Variants in SHANK2 observed in about 807,000 individuals in gnomAD.
SHANK2 encodes the protein SH3 and multiple ankyrin repeat domains protein 2.
In SHANK2, 43 loss-of-function variants were observed where a neutral mutation model predicts 133.7. That is an observed-to-expected ratio of 0.32 (90% CI 0.25 to 0.41). SHANK2 has a LOEUF of 0.41. SHANK2 is among the 10% of genes least tolerant of loss of function. The pLI, the probability that SHANK2 is intolerant of heterozygous loss-of-function variation, is 1.00. For synonymous variants in SHANK2, 1,017 were observed against 952.8 expected (o/e 1.07, Z -1.24); for missense variants, 1,994 against 2,235.8 (o/e 0.89, Z 2.18).
At chr11:70,491,777 C>A (rs549239039) in intron 22 of SHANK2, among the ~76,000 whole-genome samples, 1 of 152,332 alleles carries the variant, frequency 6.6e-6, no homozygotes, top group South Asian at 2.1e-4. Flanking sequence ...AGGCCCTTTT[C>A]CAGCTGTGTG....
Position 70,485,992 on chromosome 11 carries a change from A to C in SHANK2, c.4301T>G (p.Leu1434Arg), listed in dbSNP as rs1245095295. 4.3e-6 allele frequency: 7 copies of C among 1,614,112 alleles called. No homozygotes were observed. In the East Asian group the frequency reaches 1.6e-4, roughly 36 times the overall value. ...TTTCTTCTGCTTCACTAAGTCTGAG[A>C]GAGCCGGGACAGAAGCTGCCCGGTC... ...PDDRAASVPA[L>R]SDLVKQKKSD... Residue 1434 changes from leucine (L) to arginine (R), a missense_variant, in exon 25 of 26, where the codon CTC (leucine) becomes CGC (arginine). Leu to Arg is a moderately radical substitution (Grantham distance 102, BLOSUM62 -2). Around this residue, in one of 5 missense-constraint regions of SHANK2, gnomAD observed 797 missense variants for 907.4 expected, o/e 0.88. Coordinates refer to ENST00000601538, the MANE Select transcript of SHANK2 (RefSeq NM_012309.5). The surrounding 1 kb of genome is among the most constrained non-coding windows in gnomAD (Gnocchi z 5.8).
At chr11:70,698,292 C>A (rs1271477279) in intron 15 of SHANK2, 1 of 247,040 alleles carries the variant, frequency 4.0e-6, no homozygotes, top group Admixed American at 5.0e-5. Flanking sequence ...GGATGAGAAC[C>A]CGAGGACCAC....
At chr11:71,119,108 G>T in intron 3 of SHANK2, 76 bp from the exon 4 acceptor site, 2 of 1,314,688 alleles carry the variant, frequency 1.5e-6, no homozygotes, top group Non-Finnish European at 1.1e-6. Context: ...CGCGTGGTCA[G>T]AGAGGCAAAG....
intron 21 of SHANK2, among the ~76,000 whole-genome samples, chr11:70,495,141 C>A (rs1431039675): frequency 3.3e-5 from 5 of 152,194 alleles, no homozygotes; most frequent in African/African-American, 1.2e-4. Context: ...GGCCCTCATC[C>A]CAGCTCCTCC....
chr11:70,597,056 T>C (rs2060411590), intron 17 of SHANK2, among the ~76,000 whole-genome samples: 2 of 152,186 alleles, frequency 1.3e-5, no homozygotes, highest in African/African-American at 4.8e-5. Flanking sequence ...TCAGACCCTA[T>C]GAACAAAGCT....
At chr11:71,180,412 G>A (rs1555113607) in intron 2 of SHANK2, among the ~76,000 whole-genome samples, 1 of 152,134 alleles carries the variant, frequency 6.6e-6, no homozygotes. Flanking sequence ...TTAATTTATG[G>A]TCTGGGCAGT....
chr11:70,639,698 T>C (rs1401675675), intron 17 of SHANK2, among the ~76,000 whole-genome samples: 2 of 151,908 alleles, frequency 1.3e-5, no homozygotes, highest in African/African-American at 4.8e-5. Context: ...GTAGGTGGGG[T>C]GGGTGCAGGA....
At chr11:71,144,947 G>A (rs782158665) in intron 3 of SHANK2, among the ~76,000 whole-genome samples, 13 of 152,340 alleles carry the variant, frequency 8.5e-5, no homozygotes, top group Non-Finnish European at 4.4e-5. Flanking sequence ...GGGACGTGTC[G>A]GAACAGGGCT....
At chr11:70,878,402 G>A (rs1035106583) in intron 11 of SHANK2, among the ~76,000 whole-genome samples, 2 of 152,132 alleles carry the variant, frequency 1.3e-5, no homozygotes, top group African/African-American at 4.8e-5. Context: ...AAACATACAG[G>A]GCATCATCAC....
intron 14 of SHANK2, among the ~76,000 whole-genome samples, chr11:70,735,439 C>T (rs1946383797): frequency 6.6e-6 from 1 of 152,128 alleles, no homozygotes; most frequent in African/African-American, 2.4e-5. Flanking sequence ...GGTGTGGTGG[C>T]TCATGCCTGT....
At chr11:71,201,528 A>G (rs1555117141) in intron 2 of SHANK2, among the ~76,000 whole-genome samples, 1 of 152,222 alleles carries the variant, frequency 6.6e-6, no homozygotes, top group African/African-American at 2.4e-5. Flanking sequence ...GATGGCGGTC[A>G]CCTGCACAGC....
chr11:70,735,488 G>A (rs1041904551), intron 14 of SHANK2, among the ~76,000 whole-genome samples: 2 of 152,096 alleles, frequency 1.3e-5, no homozygotes, highest in African/African-American at 2.4e-5. Flanking sequence ...GGCAGATCAC[G>A]AGGTCAGGAG....
intron 4 of SHANK2, among the ~76,000 whole-genome samples, chr11:71,116,117 C>T (rs530935661): frequency 5.9e-5 from 9 of 152,300 alleles, no homozygotes; most frequent in South Asian, 2.1e-4. Flanking sequence ...AGTGTCACAA[C>T]GGAACTGAGA....
chr11:70,863,399 C>G, intron 11 of SHANK2: 1 of 457,902 alleles, frequency 2.2e-6, no homozygotes, highest in Non-Finnish European at 4.4e-6. Context: ...CCTGTCTGGA[C>G]GAGCCCCAAG....
intron 3 of SHANK2, among the ~76,000 whole-genome samples, chr11:71,135,271 C>T (rs58661988): frequency 4.6e-5 from 7 of 152,102 alleles, no homozygotes; most frequent in South Asian, 2.1e-4. Context: ...TCGGTTGTAC[C>T]GGCTGATGGG....
At chr11:70,736,865 G>A (rs909446144) in intron 14 of SHANK2, among the ~76,000 whole-genome samples, 2 of 152,220 alleles carry the variant, frequency 1.3e-5, no homozygotes, top group South Asian at 2.1e-4. Context: ...AGAACCAAAC[G>A]GTTTGTCAAG....
chr11:71,210,210 G>GTGTATATATATGTATA lies in SHANK2; in HGVS notation c.-13+14486_-13+14487insTATACATATATATACA, dbSNP rs1491563939. Among the ~76,000 whole-genome samples, 31 of 54,064 alleles carry GTGTATATATATGTATA rather than the reference G, an allele frequency of 5.7e-4. 2 individuals are homozygous for GTGTATATATATGTATA. The East Asian group carries it at 0.016, about 28-fold the overall frequency. 35.5% of individuals were successfully genotyped at this position (54,064 alleles called of 152,430 possible). The stretch of plus-strand genomic sequence containing the variant: ...GGTCCTCTTCATTGGAAATCCACAG[G>GTGTATATATATGTATA]TATATATATATATATATATATATAT... On this transcript the variant is annotated intron_variant, in intron 2 of 25. Coordinates refer to ENST00000601538, the MANE Select transcript of SHANK2 (RefSeq NM_012309.5).
At chr11:71,067,134 G>T (rs1951073974) in intron 9 of SHANK2, among the ~76,000 whole-genome samples, 1 of 152,128 alleles carries the variant, frequency 6.6e-6, no homozygotes, top group African/African-American at 2.4e-5. Context: ...GCCATTCAGC[G>T]AGACCCACAC....
rs538433647 is a variant in SHANK2 at position 70,618,966 on chromosome 11, C to T, written c.2061+40862G>A. Among the ~76,000 whole-genome samples, 44 of 152,282 alleles carry T rather than the reference C, an allele frequency of 2.9e-4. No homozygotes were observed. In the South Asian group the frequency reaches 3.9e-3, roughly 14 times the overall value. On this transcript the variant is annotated intron_variant, in intron 17 of 25. Transcript: ENST00000601538. ...ACCCGGCAGATGGCCAGGAGATGGA[C>T]GGGGTGAATCATTGCAGGTGCCGTG...
Sources: gnomAD v4.1 joint callset for allele counts (sites outside exome capture counted in the v4.1 genomes callset) on GRCh38, gnomAD v4.1.1 for gene constraint, gnomAD v4.1.1 regional missense constraint, Gnocchi (gnomAD v3.1) non-coding constraint, MANE v1.5 for transcripts, NCBI Gene and HGNC (gene_info 2026-07-23, HGNC 2026-07-21) for gene names.